SYNE2: variants seen among roughly 807,000 people sequenced by gnomAD.
SYNE2 encodes the protein spectrin repeat containing nuclear envelope protein 2, also known as nesprin-2.
Under a neutral mutation model 856.3 loss-of-function variants are expected in SYNE2, and 431 were observed. The observed-to-expected ratio is 0.50, with a 90% confidence interval of 0.47 to 0.55. The LOEUF (loss-of-function observed/expected upper bound fraction) is 0.55, where lower values mean the gene tolerates loss of function less well. SYNE2 is among the 20% of genes least tolerant of loss of function. SYNE2 has a pLI of 0.00. For missense variants in SYNE2, 8,129 were observed against 8,023.2 expected (o/e 1.01, Z -0.50); for synonymous variants, 2,923 against 2,872.3 (o/e 1.02, Z -0.56).
intron 1 of SYNE2, among the ~76,000 whole-genome samples, chr14:63,839,823 T>C (rs542404218): frequency 6.6e-6 from 1 of 152,380 alleles, no homozygotes; most frequent in East Asian, 1.9e-4. Flanking sequence ...TAAGACATTA[T>C]TCCACACCCT....
chr14:64,010,229 T>A, intron 32 of SYNE2, 113 bp downstream of exon 32: 1 of 1,155,198 alleles, frequency 8.7e-7, no homozygotes, highest in Non-Finnish European at 1.3e-6. Flanking sequence ...AAGAAGTTAC[T>A]AGTGACCCTA....
Position 64,047,935 on chromosome 14 carries a change from G to T in SYNE2, c.7222-65G>T, listed in dbSNP as rs2097198020. On this transcript the variant is annotated intron_variant, in intron 45 of 115. Transcript: ENST00000555002. ...GAAGAAACTGGAATGTTTTCATCAA[G>T]AAAAATAAAAAGGATTTATTTGGAA... The T allele has an allele frequency of 2.1e-5, 33 of 1,551,258 alleles. 1 individual carries two copies. In the South Asian group the frequency reaches 3.8e-4, roughly 18 times the overall value.
At chr14:63,989,439 G>C (rs148996113) in intron 19 of SYNE2, among the ~76,000 whole-genome samples, 1 of 152,186 alleles carries the variant, frequency 6.6e-6, no homozygotes, top group African/African-American at 2.4e-5. Flanking sequence ...CCAGGTTCAA[G>C]AGATTCTTCT....
At chr14:64,117,652 A>T (rs189302012) in intron 66 of SYNE2, among the ~76,000 whole-genome samples, 1 of 152,226 alleles carries the variant, frequency 6.6e-6, no homozygotes, top group Non-Finnish European at 1.5e-5. Flanking sequence ...ATTTTATATA[A>T]TAACTTTAAT....
Position 64,126,476 on chromosome 14 carries a change from C to T in SYNE2, c.13704C>T (p.Tyr4568=), listed in dbSNP as rs544991061. ...REDGSGQQVH[Y]ETLALELKKL... ...ATGGTTCTGGCCAGCAGGTGCACTA[C>T]GAGGTAGGGCACTTCTCACGAGCCC... is the stretch of plus-strand genomic sequence containing the variant. Residue 4568 remains tyrosine, a synonymous_variant, in exon 72 of 116, where the codon TAC becomes TAT. Transcript: ENST00000555002. 2.4e-5 allele frequency: 38 copies of T among 1,614,014 alleles called. No homozygotes were observed. Among genetic ancestry groups the T allele is most frequent in the South Asian group, 9.9e-5 (9 of 91,090 alleles).
intron 64 of SYNE2, among the ~76,000 whole-genome samples, chr14:64,106,085 T>A (rs895822813): frequency 6.7e-6 from 1 of 149,370 alleles, no homozygotes; most frequent in Non-Finnish European, 1.5e-5. Flanking sequence ...AAAGAAAGGC[T>A]ATACCAACAA....
intron 94 of SYNE2, among the ~76,000 whole-genome samples, chr14:64,171,014 C>G (rs188308780): frequency 6.6e-6 from 1 of 152,040 alleles, no homozygotes; most frequent in African/African-American, 2.4e-5. Flanking sequence ...ATGGAAACCC[C>G]GTTCTCCATG....
At chr14:63,805,468 G>A (rs529825319) in intron 1 of SYNE2, among the ~76,000 whole-genome samples, 39 of 152,134 alleles carry the variant, frequency 2.6e-4, no homozygotes, top group Non-Finnish European at 4.9e-4. Flanking sequence ...CTCACTGCAA[G>A]CTCCGCCTCC....
chr14:63,972,996 T>A (rs2096491768), intron 11 of SYNE2, among the ~76,000 whole-genome samples: 1 of 152,226 alleles, frequency 6.6e-6, no homozygotes, highest in South Asian at 2.1e-4. Flanking sequence ...GGCTCGTGAC[T>A]GTAATCCCAG....
chr14:64,026,060 A>T (rs1446190951), intron 41 of SYNE2, among the ~76,000 whole-genome samples: 2 of 152,198 alleles, frequency 1.3e-5, no homozygotes, highest in Non-Finnish European at 2.9e-5. Context: ...ATGGCCAAAA[A>T]TCATGAGCTC....
upstream of SYNE2, chr14:63,848,479 T>G (rs1221339675): frequency 6.6e-6 from 1 of 152,244 alleles, no homozygotes; most frequent in African/African-American, 2.4e-5. Flanking sequence ...TTATTTTTAT[T>G]GTTTTTATTG....
chr14:63,967,393 G>A lies in SYNE2; in HGVS notation c.991-316G>A, dbSNP rs138030135. Among the ~76,000 whole-genome samples the A allele has an allele frequency of 3.1e-3, 473 of 152,200 alleles. 2 individuals are homozygous for A. The highest frequency in any genetic ancestry group is 4.6e-3 in the Non-Finnish European group (312 of 68,018). ...TATTCTGTTGTGAGTGCATACTTGC[G>A]GAGAACAAACAAACTCATATTTTCC... On this transcript the variant is annotated intron_variant, in intron 10 of 115. Coordinates refer to ENST00000555002, the MANE Select transcript of SYNE2 (RefSeq NM_182914.3).
At chr14:64,088,166 G>A (rs766937051) in intron 58 of SYNE2, among the ~76,000 whole-genome samples, 3 of 152,212 alleles carry the variant, frequency 2.0e-5, no homozygotes, top group Non-Finnish European at 4.4e-5. Context: ...CTGGGTGACA[G>A]AGCAGGATTC....
At chr14:63,919,769 A>G (rs1454154119) in intron 2 of SYNE2, among the ~76,000 whole-genome samples, 2 of 152,202 alleles carry the variant, frequency 1.3e-5, no homozygotes, top group Non-Finnish European at 2.9e-5. Flanking sequence ...AGGTCAGTAC[A>G]GAGAGGAGCC....
intron 1 of SYNE2, among the ~76,000 whole-genome samples, chr14:63,834,661 A>C (rs1242806631): frequency 1.0e-5 from 1 of 98,592 alleles, no homozygotes; most frequent in Non-Finnish European, 2.1e-5. Context: ...TTTTTTTTTG[A>C]GATAGAGTCT....
At position 64,146,108 on chromosome 14, in the gene SYNE2, G is replaced by C. The variant is rs1277439274; in HGVS notation, c.15524G>C (p.Ser5175Thr). The change falls in exon 84 of 116, where the codon AGT (serine) becomes ACT (threonine). Residue 5175 changes from serine to threonine, a missense_variant. Physicochemically the swap from Ser to Thr is moderately conservative, Grantham distance 58. This residue lies in a region of SYNE2 where 5,410 missense variants were observed against 5,284.8 expected (regional missense o/e 1.02). Coordinates refer to ENST00000555002, the MANE Select transcript of SYNE2 (RefSeq NM_182914.3). ...LEQLLESITE[S>T]ENKIQILNNW... Reference sequence around the variant, plus strand: ...CAACTTCTAGAAAGTATCACTGAGAGTGAAAATAAAATACAGATCTTGAAC... The same window carrying C: ...CAACTTCTAGAAAGTATCACTGAGACTGAAAATAAAATACAGATCTTGAAC... 1.3e-6 allele frequency: 2 copies of C among 1,599,906 alleles called. No individual in the cohort carries two copies. The highest frequency in any genetic ancestry group is 3.4e-5 in the Admixed American group (2 of 58,540).
chr14:63,821,751 T>C (rs998216715), intron 1 of SYNE2, among the ~76,000 whole-genome samples: 4 of 151,528 alleles, frequency 2.6e-5, no homozygotes, highest in African/African-American at 9.7e-5. Context: ...AGACTCCATC[T>C]TGAAAAAAAA....
chr14:63,802,405 C>T (rs907909046), intron 1 of SYNE2, among the ~76,000 whole-genome samples: 1 of 151,984 alleles, frequency 6.6e-6, no homozygotes, highest in African/African-American at 2.4e-5. Context: ...CTACATCCGG[C>T]CACAGACTTG....
intron 62 of SYNE2, 180 bp downstream of exon 62, chr14:64,098,326 T>A (rs1479640700): frequency 1.1e-5 from 8 of 707,016 alleles, no homozygotes; most frequent in Non-Finnish European, 2.0e-5. Flanking sequence ...AGGGTGTGCC[T>A]GTTCTGGACT....
Sources: gnomAD v4.1 joint callset for allele counts (sites outside exome capture counted in the v4.1 genomes callset) on GRCh38, gnomAD v4.1.1 for gene constraint, gnomAD v4.1.1 regional missense constraint, MANE v1.5 for transcripts, NCBI Gene and HGNC (gene_info 2026-07-23, HGNC 2026-07-21) for gene names.